MLH3: variants seen among roughly 807,000 people sequenced by gnomAD.
MLH3 encodes the protein DNA mismatch repair protein Mlh3.
A neutral mutation model predicts 122.2 loss-of-function variants in MLH3; 82 were observed. The ratio of observed to expected loss-of-function variants is 0.67; its 90% CI spans 0.56 to 0.81. The LOEUF is 0.81. Among genes scored for constraint, MLH3 ranks in the 30% least tolerant of loss-of-function variants. MLH3 has a pLI of 0.00. For missense variants in MLH3, 1,539 were observed against 1,714.5 expected (o/e 0.90, Z 1.81); for synonymous variants, 524 against 599.5 (o/e 0.87, Z 1.84).
chr14:75,031,587 A>T (rs1436033554), intron 8 of MLH3, among the ~76,000 whole-genome samples: 1 of 152,194 alleles, frequency 6.6e-6, no homozygotes, highest in Non-Finnish European at 1.5e-5. Flanking sequence ...CCAAAGTGGG[A>T]GGATCGCTTG....
Position 75,047,655 on chromosome 14 carries a change from ACCAGATT to A in MLH3, c.1994_2000del (p.Glu665ValfsTer13). The A allele has an allele frequency of 6.2e-7, 1 of 1,613,974 alleles. No homozygotes were observed. Among genetic ancestry groups the A allele is most frequent in the Non-Finnish European group, 8.5e-7 (1 of 1,179,950 alleles). ...TGCAATTTTTTTTGTTGGGCAATTG[ACCAGATT>A]CTTTACTTAAAGTGCTGGCTAAATC... On this transcript the variant is annotated frameshift_variant, in exon 2 of 13. Transcript: ENST00000355774. LOFTEE classifies it high-confidence loss of function.
At chr14:75,031,680 G>A (rs1891057560) in intron 8 of MLH3, among the ~76,000 whole-genome samples, 1 of 152,188 alleles carries the variant, frequency 6.6e-6, no homozygotes, top group Non-Finnish European at 1.5e-5. Context: ...CCAGCATGGT[G>A]GTGCTCACCT....
chr14:75,044,381 T>C (rs1359655359), intron 2 of MLH3, among the ~76,000 whole-genome samples: 1 of 152,234 alleles, frequency 6.6e-6, no homozygotes, highest in Non-Finnish European at 1.5e-5. Flanking sequence ...ACGTTGAATA[T>C]GGCAGCTAAG....
Position 75,030,715 on chromosome 14 carries a change from C to A in MLH3, c.3828-13G>T, listed in dbSNP as rs1369876685. 2 of 1,609,190 alleles carry A rather than the reference C, an allele frequency of 1.2e-6. No homozygotes were observed. Among genetic ancestry groups the A allele is most frequent in the African/African-American group, 1.3e-5 (1 of 74,834 alleles). On this transcript the variant is annotated splice_polypyrimidine_tract_variant and intron_variant, in intron 8 of 12. Transcript: ENST00000355774. ...TTTGTGGTAACACCTAAAGAGATAA[C>A]CTCAAATGTTAAAAAAAAAAAGAGT...
At chr14:75,036,427 C>A (rs1466616147) in intron 6 of MLH3, among the ~76,000 whole-genome samples, 1 of 152,036 alleles carries the variant, frequency 6.6e-6, no homozygotes, top group East Asian at 1.9e-4. Context: ...CGCACTGCAA[C>A]CTCCGCCTCC....
chr14:75,032,778 CT>C (rs1358969968), intron 7 of MLH3, among the ~76,000 whole-genome samples: 1 of 150,478 alleles, frequency 6.6e-6, no homozygotes, highest in African/African-American at 2.4e-5. Context: ...AAAGACTTTC[CT>C]GGTATTTTAC....
rs150997992 is a variant in MLH3, at chr14:75,020,567, A to G, written c.4091-1587T>C. On this transcript the variant is annotated intron_variant, in intron 11 of 12. Transcript: ENST00000355774. The stretch of plus-strand genomic sequence containing the variant: ...GTCTGTTCTCACACTGCCATGAAGA[A>G]ATGACCAAGACTCGGTCATTTATAA... Among the ~76,000 whole-genome samples, 116 of 152,306 alleles carry G rather than the reference A, an allele frequency of 7.6e-4. 2 individuals carry two copies. Among genetic ancestry groups the G allele is most frequent in the Middle Eastern group, 6.8e-3 (2 of 294 alleles).
intron 1 of MLH3, chr14:75,050,971 A>C (rs2139626149): frequency 6.6e-6 from 1 of 152,386 alleles, no homozygotes; most frequent in Admixed American, 6.5e-5. Flanking sequence ...AGGGCTCTTA[A>C]CTGCAGAATT....
chr14:75,032,211 A>T, intron 7 of MLH3, 32 bp from the exon 8 acceptor site: 1 of 1,241,764 alleles, frequency 8.1e-7, no homozygotes, highest in Non-Finnish European at 1.2e-6. Context: ...GGTTAAGAGT[A>T]GGAAGGGAAG....
Position 75,039,908 on chromosome 14 carries a change from T to C in MLH3, c.3570+3A>G. On this transcript the variant is annotated splice_donor_region_variant and intron_variant, in intron 5 of 12. Transcript: ENST00000355774. ...TTATGAGATTTTGAAGTTAATCTTT[T>C]ACCTGCATTGAATGAATCATTCCTT... The C allele has an allele frequency of 7.6e-7, 1 of 1,313,730 alleles. No individual in the cohort carries two copies. Among genetic ancestry groups the C allele is most frequent in the Non-Finnish European group, 1.1e-6 (1 of 930,208 alleles). The allele number at this position is 1,313,730 out of a possible 1,614,324, so 81.4% of individuals were successfully genotyped here. A position where few individuals can be genotyped will look rare whatever the true frequency, so the allele number is the denominator to read the frequency against.
At chr14:75,037,386 G>A (rs571920136) in intron 6 of MLH3, among the ~76,000 whole-genome samples, 9 of 152,244 alleles carry the variant, frequency 5.9e-5, no homozygotes, top group Non-Finnish European at 7.4e-5. Context: ...TTATGTTTGT[G>A]TAATTATTTT....
chr14:75,036,899 C>A (rs1891453199), intron 6 of MLH3, among the ~76,000 whole-genome samples: 3 of 152,272 alleles, frequency 2.0e-5, no homozygotes, highest in South Asian at 2.1e-4. Context: ...TCAGATATTG[C>A]AATATTCTTT....
chr14:75,035,608 T>G (rs1891352747), intron 6 of MLH3, among the ~76,000 whole-genome samples: 1 of 152,252 alleles, frequency 6.6e-6, no homozygotes, highest in African/African-American at 2.4e-5. Flanking sequence ...ATATTCATGA[T>G]AATTCTGACA....
Position 75,048,819 on chromosome 14 carries a change from G to C in MLH3, c.837C>G (p.Cys279Trp), listed in dbSNP as rs149962294. The part of the protein sequence containing the change: ...DFLLRKESII[C>W]KPKNGPTSRQ... The stretch of plus-strand genomic sequence containing the variant: ...TACTGGTGGGACCATTCTTTGGCTT[G>C]CATATAATACTTTCTTTCCTTAATA... The change falls in exon 2 of 13, where the codon TGC becomes TGG. Residue 279 changes from cysteine to tryptophan, a missense_variant. Cys to Trp is a radical substitution (Grantham distance 215). Coordinates refer to ENST00000355774, the MANE Select transcript of MLH3 (RefSeq NM_001040108.2). 6.2e-7 allele frequency: 1 copy of C among 1,614,098 alleles called. No homozygotes were observed. Among genetic ancestry groups the C allele is most frequent in the South Asian group, 1.1e-5 (1 of 91,068 alleles).
intron 2 of MLH3, among the ~76,000 whole-genome samples, chr14:75,043,255 G>A (rs888697663): frequency 1.3e-5 from 2 of 152,168 alleles, no homozygotes; most frequent in African/African-American, 4.8e-5. Context: ...CCATAACTTG[G>A]TGCAACCTTC....
Position 75,040,449 on chromosome 14 carries a change from C to CAAAAAAAAA in MLH3, c.3466-443_3466-435dup, listed in dbSNP as rs36233766. 1.6e-3 allele frequency among the ~76,000 whole-genome samples: 57 copies of CAAAAAAAAA among 35,606 alleles called. 2 individuals are homozygous for CAAAAAAAAA. The highest frequency in any genetic ancestry group is 2.0e-3 in the Non-Finnish European group (40 of 20,000). The allele number at this position is 35,606 out of a possible 152,430, so 23.4% of individuals were successfully genotyped here. ...TGGGCGACACAGCAAGACTCTGTCA[C>CAAAAAAAAA]AAAAAAAAAAAAAAAAAAAAAAAAA... On this transcript the variant is annotated intron_variant, in intron 4 of 12. Coordinates refer to ENST00000355774, the MANE Select transcript of MLH3 (RefSeq NM_001040108.2).
chr14:75,034,309 G>A (rs767242146), intron 6 of MLH3, among the ~76,000 whole-genome samples: 6 of 152,002 alleles, frequency 3.9e-5, no homozygotes, highest in South Asian at 2.1e-4. Context: ...ATAAAGGATC[G>A]TTAAACAACA....
chr14:75,049,005 C>G lies in MLH3; in HGVS notation c.651G>C (p.Leu217Phe). 1 of 1,614,062 alleles carries G rather than the reference C, an allele frequency of 6.2e-7. No homozygotes were observed. The highest frequency in any genetic ancestry group is 8.5e-7 in the Non-Finnish European group (1 of 1,180,020). ...TTTCTCTTAGCTTTTGGGACTTTCC[C>G]AATCCATAAATTTGACAAAATCGGG... Reference protein sequence around the residue: ...VCSRFCQIYGLGKSQKLREIS... With the variant: ...VCSRFCQIYGFGKSQKLREIS... The change falls in exon 2 of 13, where the codon TTG becomes TTC. Residue 217 changes from leucine (L) to phenylalanine (F), a missense_variant. By Grantham distance (22) the Leu-to-Phe change is conservative. Transcript: ENST00000355774.
chr14:75,050,255 T>A (rs139504567), intron 1 of MLH3, among the ~76,000 whole-genome samples: 1 of 151,966 alleles, frequency 6.6e-6, no homozygotes, highest in South Asian at 2.1e-4. Flanking sequence ...TAAGAGGTTA[T>A]TATTATTATG....
Sources: gnomAD v4.1 joint callset for allele counts (sites outside exome capture counted in the v4.1 genomes callset) on GRCh38, gnomAD v4.1.1 for gene constraint, MANE v1.5 for transcripts, NCBI Gene and HGNC (gene_info 2026-07-23, HGNC 2026-07-21) for gene names.